The following PARVB variants were observed in gnomAD, a reference collection of about 807,000 sequenced individuals.
PARVB encodes the protein parvin beta.
In PARVB, 46 loss-of-function variants were observed where a neutral mutation model predicts 47.0. That is an observed-to-expected ratio of 0.98 (90% CI 0.77 to 1.25). The LOEUF is 1.25. Among genes scored for constraint, PARVB ranks in the 50% most tolerant of loss-of-function variants. The pLI is 0.00. For synonymous variants in PARVB, 196 were observed against 196.3 expected (o/e 1.00, Z 0.01); for missense variants, 473 against 471.6 (o/e 1.00, Z -0.03).
At chr22:44,083,569 G>T (rs756377078) in intron 1 of PARVB, among the ~76,000 whole-genome samples, 1 of 152,136 alleles carries the variant, frequency 6.6e-6, no homozygotes, top group Non-Finnish European at 1.5e-5. Context: ...CTTTCCAGAC[G>T]GTGGGAAATG....
intron 3 of PARVB, among the ~76,000 whole-genome samples, chr22:44,100,375 A>G (rs1335494884): frequency 6.6e-6 from 1 of 152,182 alleles, no homozygotes; most frequent in Non-Finnish European, 1.5e-5. Flanking sequence ...TTTGCTGGAC[A>G]GAGCTCGGCA....
chr22:44,050,470 A>G (rs930015223), intron 1 of PARVB, among the ~76,000 whole-genome samples: 1 of 151,804 alleles, frequency 6.6e-6, no homozygotes, highest in Non-Finnish European at 1.5e-5. Flanking sequence ...CAGCTTCCCA[A>G]GTAGCTGGGA....
chr22:44,037,138 A>T (rs944674552), intron 1 of PARVB, among the ~76,000 whole-genome samples: 2 of 151,998 alleles, frequency 1.3e-5, no homozygotes, highest in Non-Finnish European at 2.9e-5. Context: ...CCTGGGCAAT[A>T]TAGTGAGACC....
chr22:44,006,038 G>T lies in PARVB; in HGVS notation c.211+6365G>T, dbSNP rs117996273. ...AGCTCACTGCAGTCTCAACTCCCTG[G>T]CTCAAGGGATCCTCCCACCTCAGTC... On this transcript the variant is annotated intron_variant, in intron 2 of 13. Coordinates refer to the PARVB transcript ENST00000406477. Among the ~76,000 whole-genome samples, 109 of 152,262 alleles carry T rather than the reference G, an allele frequency of 7.2e-4. 1 individual carries two copies. In the East Asian group the frequency reaches 0.017, roughly 24 times the overall value.
At chr22:44,123,403 C>T (rs2053114963) in intron 4 of PARVB, among the ~76,000 whole-genome samples, 1 of 152,024 alleles carries the variant, frequency 6.6e-6, no homozygotes. Flanking sequence ...GGGAGTGAAC[C>T]TGTGGTTGCT....
rs141630951 is a variant in PARVB at position 44,034,072 on chromosome 22, A to AAT, written c.112+9636_112+9637dup. ...TTTTTGCTATAAATGGAATTTGAAG[A>AAT]ATATATATATATATATGAACATACA... is the stretch of plus-strand genomic sequence containing the variant. On this transcript the variant is annotated intron_variant, in intron 1 of 12. Transcript: ENST00000338758. Among the ~76,000 whole-genome samples, 342 of 149,122 alleles carry AAT rather than the reference A, an allele frequency of 2.3e-3. 2 individuals are homozygous for AAT. Among genetic ancestry groups the AAT allele is most frequent in the African/African-American group, 4.9e-3 (200 of 40,862 alleles).
At position 44,113,695 on chromosome 22, in the gene PARVB, C is replaced by G. The variant is rs1349693513; in HGVS notation, c.274-5343C>G. 4.7e-5 allele frequency: 3 copies of G among 63,410 alleles called. 1 individual carries two copies. The highest frequency in any genetic ancestry group is 2.1e-4 in the African/African-American group (2 of 9,728). 3.9% of individuals were successfully genotyped at this position (63,410 alleles called of 1,614,324 possible). On this transcript the variant is annotated intron_variant, in intron 3 of 12. Coordinates refer to ENST00000338758, the MANE Select transcript of PARVB (RefSeq NM_013327.5). The stretch of plus-strand genomic sequence containing the variant: ...CATTGTTACTAAGTAAGGCCCTGCA[C>G]CAACACAGATACATTGTTACTAACT...
chr22:44,001,375 A>G (rs1231994183), intron 2 of PARVB, among the ~76,000 whole-genome samples: 1 of 152,234 alleles, frequency 6.6e-6, no homozygotes, highest in African/African-American at 2.4e-5. Flanking sequence ...ATTCAAAAAT[A>G]TTGTAAATTG....
chr22:44,086,411 T>G (rs2052025456), intron 1 of PARVB, among the ~76,000 whole-genome samples: 1 of 152,230 alleles, frequency 6.6e-6, no homozygotes, highest in African/African-American at 2.4e-5. Flanking sequence ...CAAGACACTT[T>G]GTTATTCCTC....
chr22:44,097,446 T>C (rs149467180), intron 2 of PARVB, among the ~76,000 whole-genome samples: 1 of 152,182 alleles, frequency 6.6e-6, no homozygotes, highest in African/African-American at 2.4e-5. Flanking sequence ...GGGGGTTTCA[T>C]GTCCAGGGTC....
At chr22:44,022,622 A>T (rs77879449), upstream of PARVB, among the ~76,000 whole-genome samples, 232 of 152,046 alleles carry the variant, frequency 1.5e-3, 4 homozygotes, top group East Asian at 0.038. Context: ...CAGAAAAACC[A>T]TCTCAACCCA....
intron 1 of PARVB, chr22:44,026,270 G>T: frequency 1.0e-6 from 1 of 975,150 alleles, no homozygotes; most frequent in Non-Finnish European, 1.2e-6. Flanking sequence ...TAATTCAAAT[G>T]CACCAAGAAT....
At chr22:44,056,435 C>T (rs773364142) in intron 1 of PARVB, among the ~76,000 whole-genome samples, 7 of 152,184 alleles carry the variant, frequency 4.6e-5, no homozygotes, top group Admixed American at 6.5e-5. Flanking sequence ...TGAACCAGAT[C>T]GGACAAATTA....
At chr22:44,035,461 C>T (rs1208311136) in intron 1 of PARVB, among the ~76,000 whole-genome samples, 1 of 150,772 alleles carries the variant, frequency 6.6e-6, no homozygotes, top group Non-Finnish European at 1.5e-5. Flanking sequence ...GCCTCCGCCT[C>T]CTGGGTTCAA....
At chr22:44,148,236 G>A in intron 9 of PARVB, 1 of 391,196 alleles carries the variant, frequency 2.6e-6, no homozygotes, top group South Asian at 2.2e-5. Flanking sequence ...ATGTCAGCCT[G>A]CTGCTCTCGC....
In PARVB at chr22:44,024,406, G is replaced by T; in HGVS notation, c.67G>T (p.Gly23Cys). Residue 23 changes from glycine to cysteine, a missense_variant, in exon 1 of 13, where the codon GGC becomes TGC. Transcript: ENST00000338758. ...RRMKKDESFL[G>C]KLGGTLARKR... ...GATGAAGAAGGACGAGTCGTTCCTGGGCAAGCTGGGCGGCACCCTGGCCAG... is the reference window on the plus strand; with the variant it reads ...GATGAAGAAGGACGAGTCGTTCCTGTGCAAGCTGGGCGGCACCCTGGCCAG... The T allele has an allele frequency of 7.9e-7, 1 of 1,260,864 alleles. No homozygotes were observed. The highest frequency in any genetic ancestry group is 4.0e-5 in the East Asian group (1 of 24,938). 78.1% of individuals were successfully genotyped at this position (1,260,864 alleles called of 1,614,324 possible).
intron 2 of PARVB, among the ~76,000 whole-genome samples, chr22:44,017,760 T>A (rs2050598962): frequency 1.3e-5 from 2 of 152,082 alleles, no homozygotes; most frequent in African/African-American, 4.8e-5. Flanking sequence ...CCCATTCACA[T>A]CCCCCATGAG....
chr22:44,015,894 A>G (rs563415682), intron 2 of PARVB, among the ~76,000 whole-genome samples: 1 of 152,264 alleles, frequency 6.6e-6, no homozygotes, highest in South Asian at 2.1e-4. Flanking sequence ...TGATACACCT[A>G]GCTCTAACCA....
chr22:44,122,488 A>AGAGAGAGAGAGAGAGAG (rs2053069849), intron 4 of PARVB, among the ~76,000 whole-genome samples: 1 of 76,620 alleles, frequency 1.3e-5, no homozygotes, highest in Non-Finnish European at 2.5e-5. Flanking sequence ...CCTGTCGATC[A>AGAGAGAGAGAGAGAGAG]AGAGAGAGAG....
Sources: gnomAD v4.1 joint callset for allele counts (sites outside exome capture counted in the v4.1 genomes callset) on GRCh38, gnomAD v4.1.1 for gene constraint, MANE v1.5 for transcripts, NCBI Gene and HGNC (gene_info 2026-07-23, HGNC 2026-07-21) for gene names.